LRIG1: variants seen among roughly 807,000 people sequenced by gnomAD.
LRIG1 encodes leucine-rich repeats and immunoglobulin-like domains protein 1.
Under a neutral mutation model 99.2 loss-of-function variants are expected in LRIG1, and 48 were observed. The ratio of observed to expected loss-of-function variants is 0.48; its 90% CI spans 0.38 to 0.62. The LOEUF is 0.62. Ranked by LOEUF, LRIG1 falls within the 20% of genes least tolerant of loss-of-function variation. The probability of loss-of-function intolerance (pLI) is 0.00; values close to 1 mark genes in which losing one functional copy is unlikely to be tolerated. For synonymous variants in LRIG1, 772 were observed against 596.1 expected (o/e 1.29, Z -4.30); for missense variants, 1,646 against 1,434.4 (o/e 1.15, Z -2.38).
chr3:66,381,908 A>G (rs1205749918), intron 16 of LRIG1, among the ~76,000 whole-genome samples: 1 of 152,100 alleles, frequency 6.6e-6, no homozygotes, highest in Non-Finnish European at 1.5e-5. Context: ...TCCTGGTGAC[A>G]GCTTTCCAGT....
At chr3:66,461,662 T>A (rs543780265) in intron 2 of LRIG1, among the ~76,000 whole-genome samples, 58 of 152,330 alleles carry the variant, frequency 3.8e-4, no homozygotes, top group Non-Finnish European at 7.3e-4. Flanking sequence ...TCTTCACACG[T>A]TTCTGTAGTT....
chr3:66,466,271 G>A (rs992051890), intron 1 of LRIG1, among the ~76,000 whole-genome samples: 4 of 152,084 alleles, frequency 2.6e-5, no homozygotes, highest in Admixed American at 2.6e-4. Context: ...TTGAACTCCT[G>A]GCCTGAAGCA....
intron 2 of LRIG1, 123 bp downstream of exon 2, chr3:66,462,314 CA>C: frequency 1.4e-6 from 1 of 719,226 alleles, no homozygotes; most frequent in Middle Eastern, 3.0e-4. Context: ...AGTCCATACA[CA>C]AATGTTCCTT....
rs185222639 is a variant in LRIG1, at chr3:66,490,296, A to C, written c.218+9894T>G. ...TGGATCTCCCCTCCTCCAAGATGGA[A>C]GGAAACCCTGCTCCCTTCGAGCTGC... On this transcript the variant is annotated intron_variant, in intron 1 of 18. Coordinates refer to ENST00000273261, the MANE Select transcript of LRIG1 (RefSeq NM_015541.3). Among the ~76,000 whole-genome samples the C allele has an allele frequency of 2.0e-3, 298 of 152,326 alleles. 1 individual carries two copies. The highest frequency in any genetic ancestry group is 6.6e-3 in the African/African-American group (276 of 41,568).
intron 3 of LRIG1, among the ~76,000 whole-genome samples, chr3:66,431,569 T>G (rs905887957): frequency 5.3e-5 from 8 of 152,140 alleles, no homozygotes; most frequent in African/African-American, 1.9e-4. Flanking sequence ...AGCAAGGACC[T>G]CCTCTGCCCA....
intron 13 of LRIG1, 105 bp from the exon 14 acceptor site, chr3:66,384,377 C>CTTCTT (rs2107931990): frequency 3.3e-6 from 4 of 1,229,916 alleles, no homozygotes; most frequent in South Asian, 1.4e-5. Context: ...TGCCAGTTCA[C>CTTCTT]TTCTTTTCTC....
intron 1 of LRIG1, among the ~76,000 whole-genome samples, chr3:66,470,655 G>A (rs1359858433): frequency 6.6e-6 from 1 of 152,008 alleles, no homozygotes; most frequent in African/African-American, 2.4e-5. Context: ...TAATCTATGG[G>A]GCCATTAAAG....
intron 3 of LRIG1, 117 bp downstream of exon 3, chr3:66,451,442 G>GC: frequency 1.3e-6 from 1 of 753,742 alleles, no homozygotes; most frequent in Non-Finnish European, 2.2e-6. Context: ...ATGAAGAAAG[G>GC]TCTTTCTTCA....
In LRIG1 at chr3:66,380,839, G is replaced by A. The variant is rs1013882953; in HGVS notation, c.2793C>T (p.Cys931=). The A allele has an allele frequency of 6.2e-7, 1 of 1,614,100 alleles. No individual in the cohort carries two copies. Among genetic ancestry groups the A allele is most frequent in the Admixed American group, 1.7e-5 (1 of 60,034 alleles). ...HKMEHGGRVV[C]SDCNTEVDCY... ...AGTCCACTTCGGTGTTGCAGTCACTGCATACGACCCGGCCACCGTGTTCTG... is the reference window on the plus strand; with the variant it reads ...AGTCCACTTCGGTGTTGCAGTCACTACATACGACCCGGCCACCGTGTTCTG... The change falls in exon 18 of 19, where the codon TGC becomes TGT. Residue 931 remains cysteine, a synonymous_variant. Coordinates refer to ENST00000273261, the MANE Select transcript of LRIG1 (RefSeq NM_015541.3).
intron 1 of LRIG1, among the ~76,000 whole-genome samples, chr3:66,486,385 A>C (rs564324576): frequency 6.6e-5 from 10 of 152,112 alleles, no homozygotes; most frequent in Non-Finnish European, 1.3e-4. Flanking sequence ...TGCGTCATGA[A>C]CCGCACAGCT....
chr3:66,386,579 G>A (rs942317137), intron 12 of LRIG1: 4 of 386,220 alleles, frequency 1.0e-5, no homozygotes, highest in African/African-American at 2.0e-5. Flanking sequence ...CAGCCAGCCG[G>A]CAGTTTCCTT....
intron 9 of LRIG1, among the ~76,000 whole-genome samples, chr3:66,399,862 G>C (rs1308773172): frequency 6.6e-6 from 1 of 152,230 alleles, no homozygotes; most frequent in African/African-American, 2.4e-5. Flanking sequence ...GAAGAGGACA[G>C]TAAAATAGGC....
intron 1 of LRIG1, among the ~76,000 whole-genome samples, chr3:66,481,840 A>C (rs566000989): frequency 4.6e-5 from 7 of 152,372 alleles, no homozygotes; most frequent in African/African-American, 1.7e-4. Flanking sequence ...GCATACAATG[A>C]CAACTCACTT....
intron 6 of LRIG1, among the ~76,000 whole-genome samples, chr3:66,412,572 G>C (rs2106678308): frequency 6.6e-6 from 1 of 152,354 alleles, no homozygotes; most frequent in East Asian, 1.9e-4. Context: ...AGGTGAAGCT[G>C]CAAAGGGAAG....
chr3:66,410,411 A>G, intron 6 of LRIG1, 139 bp from the exon 7 acceptor site: 1 of 761,534 alleles, frequency 1.3e-6, no homozygotes, highest in South Asian at 1.9e-5. Flanking sequence ...TGTGGAGTCT[A>G]GTCGCACACA....
chr3:66,431,463 G>C (rs910012560), intron 3 of LRIG1, among the ~76,000 whole-genome samples: 1 of 152,218 alleles, frequency 6.6e-6, no homozygotes, highest in Non-Finnish European at 1.5e-5. Context: ...AGGCTGCCAT[G>C]CATGGTTTTC....
chr3:66,486,668 A>G (rs564301273), intron 1 of LRIG1, among the ~76,000 whole-genome samples: 21 of 152,356 alleles, frequency 1.4e-4, no homozygotes, highest in African/African-American at 4.3e-4. Context: ...AAGGGTCACA[A>G]TAAGTAAGTG....
At chr3:66,460,339 G>T (rs1246254485) in intron 2 of LRIG1, among the ~76,000 whole-genome samples, 2 of 152,178 alleles carry the variant, frequency 1.3e-5, no homozygotes, top group African/African-American at 4.8e-5. Flanking sequence ...AAAGCACTGG[G>T]TTACAAACCT....
intron 3 of LRIG1, among the ~76,000 whole-genome samples, chr3:66,434,332 T>A (rs1218201103): frequency 6.6e-6 from 1 of 152,008 alleles, no homozygotes; most frequent in Non-Finnish European, 1.5e-5. Flanking sequence ...CCAAAAAGAA[T>A]CTACAGGTGG....
Sources: gnomAD v4.1 joint callset for allele counts (sites outside exome capture counted in the v4.1 genomes callset) on GRCh38, gnomAD v4.1.1 for gene constraint, MANE v1.5 for transcripts, NCBI Gene and HGNC (gene_info 2026-07-23, HGNC 2026-07-21) for gene names.